The following TMEM45B variants were observed in gnomAD, a reference collection of about 807,000 sequenced individuals.
TMEM45B encodes the protein transmembrane protein 45B.
A neutral mutation model predicts 27.3 loss-of-function variants in TMEM45B; 29 were observed. The ratio of observed to expected loss-of-function variants is 1.06; its 90% CI spans 0.79 to 1.45. The LOEUF is 1.45. Among genes scored for constraint, TMEM45B ranks in the 40% most tolerant of loss-of-function variants. The pLI is 0.00. For synonymous variants in TMEM45B, 143 were observed against 134.7 expected (o/e 1.06, Z -0.43); for missense variants, 348 against 343.9 (o/e 1.01, Z -0.09).
rs550356034 is a variant in TMEM45B at position 129,858,908 on chromosome 11, T to A, written c.*223T>A. 2 of 294,028 alleles carry A rather than the reference T, an allele frequency of 6.8e-6. No homozygotes were observed. Among genetic ancestry groups the A allele is most frequent in the South Asian group, 1.5e-4 (2 of 13,760 alleles). 18.2% of individuals were successfully genotyped at this position (294,028 alleles called of 1,614,324 possible). On this transcript the variant is annotated 3_prime_UTR_variant, in exon 6 of 6. Coordinates refer to ENST00000281441, the MANE Select transcript of TMEM45B (RefSeq NM_138788.5). ...ACATACTATAAAGTCTGTGTTGGTA[T>A]AGTACCCTTCATAAGGAAAAATGAA...
Position 129,852,603 on chromosome 11 carries a change from T to A in TMEM45B, c.121T>A (p.Tyr41Asn). The change falls in exon 2 of 6, where the codon TAC becomes AAC. Residue 41 changes from tyrosine to asparagine, a missense_variant. Tyr to Asn is a moderately radical substitution (Grantham distance 143). Coordinates refer to ENST00000281441, the MANE Select transcript of TMEM45B (RefSeq NM_138788.5). Reference sequence around the variant, plus strand: ...CACGCGGAAGAACAGCCCACTACATTACTATCAGCGTCTCGAGATCGTCGA... The same window carrying A: ...CACGCGGAAGAACAGCCCACTACATAACTATCAGCGTCTCGAGATCGTCGA... ...SHTRKNSPLH[Y>N]YQRLEIVEAA... is the part of the protein sequence containing the mutation. The A allele has an allele frequency of 1.9e-6, 3 of 1,613,228 alleles. No individual in the cohort carries two copies. The highest frequency in any genetic ancestry group is 2.5e-6 in the Non-Finnish European group (3 of 1,179,244).
At chr11:129,856,566 T>C (rs1460506314) in intron 4 of TMEM45B, among the ~76,000 whole-genome samples, 1 of 77,428 alleles carries the variant, frequency 1.3e-5, no homozygotes, top group Non-Finnish European at 2.8e-5. Context: ...TTTTTTTTTT[T>C]TTTTTTTTTC....
At chr11:129,833,085 T>C (rs1947571377) in intron 1 of TMEM45B, among the ~76,000 whole-genome samples, 1 of 151,078 alleles carries the variant, frequency 6.6e-6, no homozygotes. Flanking sequence ...CTACTAAAAA[T>C]GCAAAAATTA....
intron 1 of TMEM45B, among the ~76,000 whole-genome samples, chr11:129,847,401 G>T (rs1174416440): frequency 3.6e-5 from 2 of 55,372 alleles, no homozygotes; most frequent in African/African-American, 5.2e-5. Context: ...AAAAGCTTAT[G>T]AAGTTATTTT....
chr11:129,824,997 A>G (rs1342939154), intron 1 of TMEM45B, among the ~76,000 whole-genome samples: 1 of 152,204 alleles, frequency 6.6e-6, no homozygotes, highest in Non-Finnish European at 1.5e-5. Flanking sequence ...GAGGAGCCAC[A>G]TTCAGGTATA....
intron 5 of TMEM45B, 166 bp downstream of exon 5, chr11:129,857,624 T>G (rs1303343840): frequency 1.4e-5 from 11 of 762,204 alleles, no homozygotes; most frequent in Non-Finnish European, 2.3e-5. Context: ...GGAATGAGGC[T>G]TTTCAAAGTT....
In TMEM45B at chr11:129,857,562, G is replaced by A. The variant is rs898522434; in HGVS notation, c.716+104G>A. 4.5e-6 allele frequency: 6 copies of A among 1,328,556 alleles called. No individual in the cohort carries two copies. In the South Asian group the frequency reaches 7.9e-5, roughly 17 times the overall value. 82.3% of individuals were successfully genotyped at this position (1,328,556 alleles called of 1,614,324 possible). On this transcript the variant is annotated intron_variant, in intron 5 of 5. Coordinates refer to ENST00000281441, the MANE Select transcript of TMEM45B (RefSeq NM_138788.5). ...GTGCCGACTACAGGCCAAATTCTGT[G>A]CAAGGTACTCTCATGCAGGGAAGGT...
intron 2 of TMEM45B, among the ~76,000 whole-genome samples, chr11:129,853,989 G>T (rs1947885388): frequency 6.6e-6 from 1 of 152,156 alleles, no homozygotes; most frequent in African/African-American, 2.4e-5. Flanking sequence ...GTCATTTTCT[G>T]GCCCACATCC....
At chr11:129,857,570 C>G in intron 5 of TMEM45B, 112 bp downstream of exon 5, 1 of 1,247,822 alleles carries the variant, frequency 8.0e-7, no homozygotes, top group Non-Finnish European at 1.1e-6. Context: ...GTGCAAGGTA[C>G]TCTCATGCAG....
At chr11:129,848,890 C>G (rs1947805251) in intron 1 of TMEM45B, among the ~76,000 whole-genome samples, 1 of 152,134 alleles carries the variant, frequency 6.6e-6, no homozygotes, top group African/African-American at 2.4e-5. Context: ...TCCATTCAGC[C>G]CTTTATAAGG....
At chr11:129,851,946 G>A (rs969546333) in intron 1 of TMEM45B, among the ~76,000 whole-genome samples, 47 of 152,076 alleles carry the variant, frequency 3.1e-4, no homozygotes, top group Admixed American at 2.5e-3. Context: ...TCTAATTTCC[G>A]GGAGATTTAT....
chr11:129,847,560 G>T lies in TMEM45B; in HGVS notation c.-8-4915G>T, dbSNP rs558899771. 5.2e-3 allele frequency among the ~76,000 whole-genome samples: 787 copies of T among 150,546 alleles called. 12 individuals are homozygous for T. The highest frequency in any genetic ancestry group is 0.018 in the African/African-American group (720 of 40,498). On this transcript the variant is annotated intron_variant, in intron 1 of 5. Transcript: ENST00000281441. ...CTAGGCAGAGTGTGTGTGTCCCTGG[G>T]TACTTGAGATTAGGGAGTGGTGATG...
At chr11:129,816,937 G>A (rs1215714577) in intron 1 of TMEM45B, among the ~76,000 whole-genome samples, 6 of 150,142 alleles carry the variant, frequency 4.0e-5, no homozygotes, top group East Asian at 2.0e-4. Flanking sequence ...TGGTAGAGAC[G>A]GGGTTTCACC....
chr11:129,829,908 C>A lies in TMEM45B; in HGVS notation c.-9+14010C>A, dbSNP rs182575532. Among the ~76,000 whole-genome samples, 14 of 152,300 alleles carry A rather than the reference C, an allele frequency of 9.2e-5. No individual in the cohort carries two copies. The East Asian group carries it at 2.5e-3, about 27-fold the overall frequency. On this transcript the variant is annotated intron_variant, in intron 1 of 5. Transcript: ENST00000281441. ...CTACTTTTAAGAGTAGAAAGATAGA[C>A]AAGATGCCAAGACAATTCAATAGGG...
chr11:129,835,855 C>A (rs763085675), intron 1 of TMEM45B, among the ~76,000 whole-genome samples: 1 of 152,182 alleles, frequency 6.6e-6, no homozygotes, highest in Non-Finnish European at 1.5e-5. Flanking sequence ...CAGTGGCTCA[C>A]GCCTGTAATC....
chr11:129,818,352 C>T (rs1947377178), intron 1 of TMEM45B, among the ~76,000 whole-genome samples: 2 of 152,232 alleles, frequency 1.3e-5, no homozygotes, highest in African/African-American at 4.8e-5. Context: ...TAGCAAGGTA[C>T]ACACCCGCAT....
chr11:129,850,602 C>G (rs1203831310), intron 1 of TMEM45B: 1 of 152,246 alleles, frequency 6.6e-6, no homozygotes, highest in Non-Finnish European at 1.5e-5. Context: ...CGACATAATT[C>G]AGGTAAGTTC....
At position 129,854,638 on chromosome 11, in the gene TMEM45B, T is replaced by C. The variant is rs760209531; in HGVS notation, c.207T>C (p.Asp69=). 6.2e-7 allele frequency: 1 copy of C among 1,614,234 alleles called. No homozygotes were observed. The highest frequency in any genetic ancestry group is 8.5e-7 in the Non-Finnish European group (1 of 1,180,034). Residue 69 remains aspartate, a synonymous_variant, in exon 3 of 6, where the codon GAT becomes GAC. Coordinates refer to ENST00000281441, the MANE Select transcript of TMEM45B (RefSeq NM_138788.5). ...TCCTGGCAGAGCAGTTTGTTCCGGA[T>C]GGGCCCCACCTGCACCTCTACCATG... ...TGILAEQFVP[D]GPHLHLYHEN...
chr11:129,854,605 T>C lies in TMEM45B; in HGVS notation c.179-5T>C. The C allele has an allele frequency of 6.2e-7, 1 of 1,614,082 alleles. No individual in the cohort carries two copies. The highest frequency in any genetic ancestry group is 8.5e-7 in the Non-Finnish European group (1 of 1,179,942). The stretch of plus-strand genomic sequence containing the variant: ...TCTAAAACATCCATCCTCATTTCCC[T>C]GCAGGGATCCTGGCAGAGCAGTTTG... On this transcript the variant is annotated splice_region_variant and splice_polypyrimidine_tract_variant and intron_variant, in intron 2 of 5. Transcript: ENST00000281441.
Sources: gnomAD v4.1 joint callset for allele counts (sites outside exome capture counted in the v4.1 genomes callset) on GRCh38, gnomAD v4.1.1 for gene constraint, MANE v1.5 for transcripts, NCBI Gene and HGNC (gene_info 2026-07-23, HGNC 2026-07-21) for gene names.